The following LSAMP variants were observed in gnomAD, a reference collection of about 807,000 sequenced individuals.
LSAMP encodes limbic system-associated membrane protein.
LSAMP carries 7 observed loss-of-function variants against 38.6 expected under a neutral mutation model. The ratio of observed to expected loss-of-function variants is 0.18; its 90% CI spans 0.10 to 0.34. The LOEUF (loss-of-function observed/expected upper bound fraction) is 0.34, where lower values mean the gene tolerates loss of function less well. LSAMP is among the 10% of genes least tolerant of loss of function. LSAMP has a pLI of 1.00. For synonymous variants in LSAMP, 154 were observed against 166.8 expected, an observed-to-expected ratio of 0.92 and a Z score of 0.59; for missense variants, 313 against 420.0, an observed-to-expected ratio of 0.75 and a Z score of 2.23.
At chr3:116,187,891 C>A (rs979773195) in intron 1 of LSAMP, among the ~76,000 whole-genome samples, 1 of 152,002 alleles carries the variant, frequency 6.6e-6, no homozygotes, top group African/African-American at 2.4e-5. Flanking sequence ...TTTCATCACC[C>A]AGGTATTAAG....
At chr3:116,440,159 G>C (rs2049414317) in intron 1 of LSAMP, among the ~76,000 whole-genome samples, 1 of 152,200 alleles carries the variant, frequency 6.6e-6, no homozygotes, top group Non-Finnish European at 1.5e-5. Context: ...AGGACATTGA[G>C]AGAAAAACAG....
intron 1 of LSAMP, among the ~76,000 whole-genome samples, chr3:116,216,518 T>A (rs1181738051): frequency 6.6e-6 from 1 of 151,816 alleles, no homozygotes; most frequent in Admixed American, 6.6e-5. Flanking sequence ...TAACATCTTG[T>A]ATGATGGTAT....
chr3:116,373,932 T>C (rs2048463109), intron 1 of LSAMP, among the ~76,000 whole-genome samples: 1 of 151,904 alleles, frequency 6.6e-6, no homozygotes, highest in Non-Finnish European at 1.5e-5. Context: ...TCAGCCAACA[T>C]GATCAAAGAC....
chr3:116,174,573 T>C (rs1710289547), intron 1 of LSAMP, among the ~76,000 whole-genome samples: 1 of 152,046 alleles, frequency 6.6e-6, no homozygotes, highest in South Asian at 2.1e-4. Flanking sequence ...CCTATAAAAC[T>C]ACTGCTCATC....
At chr3:116,165,278 GC>G (rs1710022636) in intron 1 of LSAMP, among the ~76,000 whole-genome samples, 1 of 151,958 alleles carries the variant, frequency 6.6e-6, no homozygotes, top group East Asian at 1.9e-4. Flanking sequence ...CTGCAGTTGT[GC>G]CCCCATCATT....
intron 3 of LSAMP, among the ~76,000 whole-genome samples, chr3:115,902,435 G>A (rs771105075): frequency 1.1e-4 from 17 of 151,928 alleles, no homozygotes; most frequent in Admixed American, 2.0e-4. Flanking sequence ...ACATAGGAAC[G>A]GGGCAAAAAT....
chr3:115,858,414 A>G (rs1013764318), intron 3 of LSAMP, among the ~76,000 whole-genome samples: 2 of 152,198 alleles, frequency 1.3e-5, no homozygotes, highest in African/African-American at 4.8e-5. Context: ...AAAGAATACA[A>G]TTTAGGAAAC....
intron 3 of LSAMP, among the ~76,000 whole-genome samples, chr3:115,914,990 G>A (rs1014913043): frequency 2.6e-5 from 4 of 152,218 alleles, no homozygotes; most frequent in African/African-American, 9.6e-5. Flanking sequence ...AGGTGGGGAG[G>A]GGTGTGTTAG....
intron 4 of LSAMP, among the ~76,000 whole-genome samples, chr3:115,851,284 T>G (rs1251758179): frequency 2.0e-5 from 3 of 152,132 alleles, no homozygotes; most frequent in Non-Finnish European, 2.9e-5. Context: ...AATATAAATC[T>G]CTTAACTCAA....
chr3:115,821,170 A>G (rs1379323853), intron 6 of LSAMP, among the ~76,000 whole-genome samples: 1 of 152,122 alleles, frequency 6.6e-6, no homozygotes, highest in Non-Finnish European at 1.5e-5. Context: ...GAAAAAATTC[A>G]AGTGAGTGTT....
At chr3:116,291,456 C>T (rs1169322644) in intron 1 of LSAMP, among the ~76,000 whole-genome samples, 2 of 152,184 alleles carry the variant, frequency 1.3e-5, no homozygotes, top group Admixed American at 6.5e-5. Flanking sequence ...GTATCTTCAC[C>T]TGCAAAATAA....
intron 3 of LSAMP, among the ~76,000 whole-genome samples, chr3:116,001,206 A>G (rs1469167578): frequency 1.3e-5 from 2 of 152,206 alleles, no homozygotes; most frequent in Admixed American, 1.3e-4. Flanking sequence ...AAGGAAAAGA[A>G]AAAAACAGAA....
chr3:115,812,909 A>C (rs1312452908), intron 6 of LSAMP, among the ~76,000 whole-genome samples: 1 of 152,172 alleles, frequency 6.6e-6, no homozygotes, highest in Non-Finnish European at 1.5e-5. Flanking sequence ...AGAAAGCCAA[A>C]ATTCCATTAT....
At chr3:116,299,371 C>T (rs1394945792) in intron 1 of LSAMP, among the ~76,000 whole-genome samples, 1 of 152,148 alleles carries the variant, frequency 6.6e-6, no homozygotes, top group African/African-American at 2.4e-5. Flanking sequence ...TACGAAAACA[C>T]TGTCAAAAGA....
chr3:115,850,749 T>C (rs570096663), intron 4 of LSAMP, among the ~76,000 whole-genome samples: 1 of 152,318 alleles, frequency 6.6e-6, no homozygotes, highest in Non-Finnish European at 1.5e-5. Flanking sequence ...TAGATTCCTC[T>C]AGGTTTGATG....
At chr3:115,918,714 T>TG (rs1398626144) in intron 3 of LSAMP, among the ~76,000 whole-genome samples, 4 of 151,570 alleles carry the variant, frequency 2.6e-5, no homozygotes, top group East Asian at 3.9e-4. Context: ...CAGGTTTTTT[T>TG]TTTTTTTTTT....
chr3:116,441,568 A>G (rs2049435527), intron 1 of LSAMP, among the ~76,000 whole-genome samples: 1 of 152,204 alleles, frequency 6.6e-6, no homozygotes, highest in African/African-American at 2.4e-5. Flanking sequence ...TTTGACTTGT[A>G]AGAGAACTAT....
At chr3:116,112,994 G>A (rs1233876233) in intron 1 of LSAMP, among the ~76,000 whole-genome samples, 3 of 151,426 alleles carry the variant, frequency 2.0e-5, no homozygotes, top group Non-Finnish European at 4.4e-5. Context: ...GTAGATTCAG[G>A]CAGATGGAAA....
intron 3 of LSAMP, among the ~76,000 whole-genome samples, chr3:115,966,446 T>C (rs983119865): frequency 1.3e-5 from 2 of 152,146 alleles, no homozygotes; most frequent in East Asian, 3.8e-4. Context: ...TCTTAACCAA[T>C]ATAACCACAT....
Sources: allele counts gnomAD v4.1 joint callset (sites outside exome capture counted in the v4.1 genomes callset), GRCh38; gene constraint gnomAD v4.1.1; transcripts MANE v1.5; gene names NCBI Gene and HGNC (gene_info 2026-07-23, HGNC 2026-07-21).